The following EPHA8 variants were observed in gnomAD, a reference collection of about 807,000 sequenced individuals.
EPHA8 encodes the protein ephrin type-A receptor 8.
In EPHA8, 58 loss-of-function variants were observed where a neutral mutation model predicts 103.6. The ratio of observed to expected loss-of-function variants is 0.56; its 90% CI spans 0.45 to 0.70. The LOEUF is 0.70. Ranked by LOEUF, EPHA8 falls within the 30% of genes least tolerant of loss-of-function variation. The pLI is 0.00. For synonymous variants in EPHA8, 559 were observed against 572.5 expected, an observed-to-expected ratio of 0.98 and a Z score of 0.34; for missense variants, 1,304 against 1,395.2, an observed-to-expected ratio of 0.93 and a Z score of 1.04.
chr1:22,580,288 G>A (rs113358893), intron 3 of EPHA8, among the ~76,000 whole-genome samples: 11,566 of 151,636 alleles, frequency 0.076, 465 homozygotes, highest in South Asian at 0.18. Flanking sequence ...ACAGGTGCCC[G>A]CCACCACGCC....
chr1:22,578,535 G>C lies in EPHA8; in HGVS notation c.823+1655G>C, dbSNP rs529713545. Among the ~76,000 whole-genome samples, 20 of 135,734 alleles carry C rather than the reference G, an allele frequency of 1.5e-4. 1 individual carries two copies. The highest frequency in any genetic ancestry group is 8.3e-3 in the Middle Eastern group (2 of 240). 89.0% of individuals were successfully genotyped at this position (135,734 alleles called of 152,430 possible). On this transcript the variant is annotated intron_variant, in intron 3 of 16. Transcript: ENST00000166244. ...GTGTATTATGCATGTGTGCATATGCGTGCATGTGTGCGTGAGTGTGCACAT... is the reference window on the plus strand; with the variant it reads ...GTGTATTATGCATGTGTGCATATGCCTGCATGTGTGCGTGAGTGTGCACAT...
chr1:22,601,413 G>A lies in EPHA8; in HGVS notation c.2843G>A (p.Arg948Gln), dbSNP rs149515751. Residue 948 changes from arginine (R) to glutamine (Q), a missense_variant, in exon 16 of 17, where the codon CGA (arginine) becomes CAA (glutamine). Physicochemically the swap from Arg to Gln is conservative, Grantham distance 43. Coordinates refer to ENST00000166244, the MANE Select transcript of EPHA8 (RefSeq NM_020526.5). ...WLDSIRMGRY[R>Q]DHFAAGGYSS... ...GACTCCATCCGCATGGGCCGGTACC[G>A]AGACCACTTCGCTGCGGGCGGATAC... The A allele has an allele frequency of 2.8e-4, 450 of 1,611,360 alleles. No individual in the cohort carries two copies. The African/African-American group carries it at 2.8e-3, about 10-fold the overall frequency.
Position 22,563,560 on chromosome 1 carries a change from T to G in EPHA8, c.-76T>G, listed in dbSNP as rs1640257356. 1 of 143,328 alleles carries G rather than the reference T, an allele frequency of 7.0e-6. No homozygotes were observed. The highest frequency in any genetic ancestry group is 2.5e-5 in the African/African-American group (1 of 39,490). The allele number at this position is 143,328 out of a possible 1,614,324, so 8.9% of individuals were successfully genotyped here. A position where few individuals can be genotyped will look rare whatever the true frequency, so the allele number is the denominator to read the frequency against. On this transcript the variant is annotated 5_prime_UTR_variant, in exon 1 of 17. Coordinates refer to ENST00000166244, the MANE Select transcript of EPHA8 (RefSeq NM_020526.5). The surrounding 1 kb of genome is among the most constrained non-coding windows in gnomAD (Gnocchi z 4.4). ...GTGTGCGGAGAGCGAGGGAGCGCGC[T>G]CCCTCCCGACGCGCGGGCCGCAGCG... is the stretch of plus-strand genomic sequence containing the variant.
chr1:22,597,470 G>T lies in EPHA8; in HGVS notation c.1924G>T (p.Gly642Cys). The change falls in exon 10 of 17, where the codon GGC (glycine) becomes TGC (cysteine). Residue 642 changes from glycine to cysteine, a missense_variant. Coordinates refer to ENST00000166244, the MANE Select transcript of EPHA8 (RefSeq NM_020526.5). This position sits in a 1 kb window ranked among gnomAD's most constrained non-coding sequence, Gnocchi z 4.6. ...ASRIHIEKII[G>C]SGDSGEVCYG... Reference sequence around the variant, plus strand: ...TAGGATCCACATCGAGAAAATCATCGGCTCTGGTGAGTCTCAGGGGTTGTG... The same window carrying T: ...TAGGATCCACATCGAGAAAATCATCTGCTCTGGTGAGTCTCAGGGGTTGTG... The T allele has an allele frequency of 6.2e-7, 1 of 1,612,826 alleles. No individual in the cohort carries two copies. Among genetic ancestry groups the T allele is most frequent in the Non-Finnish European group, 8.5e-7 (1 of 1,179,674 alleles).
At position 22,589,069 on chromosome 1, in the gene EPHA8, T is replaced by C; in HGVS notation, c.1178T>C (p.Val393Ala). ...TRFVPQQTSL[V>A]QASLLVANLL... is the part of the protein sequence containing the mutation. ...TTTGTGCCCCAGCAGACAAGCCTGGTGCAGGCCAGCCTGCTGGTGGCCAAC... is the reference window on the plus strand; with the variant it reads ...TTTGTGCCCCAGCAGACAAGCCTGGCGCAGGCCAGCCTGCTGGTGGCCAAC... Residue 393 changes from valine to alanine, a missense_variant, in exon 5 of 17, where the codon GTG (valine) becomes GCG (alanine). By Grantham distance (64) the Val-to-Ala change is moderately conservative. Coordinates refer to ENST00000166244, the MANE Select transcript of EPHA8 (RefSeq NM_020526.5). This position sits in a 1 kb window ranked among gnomAD's most constrained non-coding sequence, Gnocchi z 4.3. 1.2e-6 allele frequency: 2 copies of C among 1,613,314 alleles called. No individual in the cohort carries two copies. The highest frequency in any genetic ancestry group is 1.7e-6 in the Non-Finnish European group (2 of 1,179,730).
chr1:22,577,972 C>T (rs62639712), intron 3 of EPHA8, among the ~76,000 whole-genome samples: 15 of 28,622 alleles, frequency 5.2e-4, no homozygotes, highest in African/African-American at 1.9e-3. Flanking sequence ...TGTGCATGTG[C>T]GTATGTGTGC....
At chr1:22,584,267 G>C (rs1212097951) in intron 3 of EPHA8, among the ~76,000 whole-genome samples, 1 of 152,200 alleles carries the variant, frequency 6.6e-6, no homozygotes. Flanking sequence ...AGATCACAGT[G>C]TGTCAGTCAA....
chr1:22,599,922 GAC>G (rs1641657989), intron 13 of EPHA8, among the ~76,000 whole-genome samples: 1 of 30,172 alleles, frequency 3.3e-5, no homozygotes, highest in Non-Finnish European at 5.9e-5. Context: ...GGAGAGAAGG[GAC>G]GAGGGAGGGA....
chr1:22,571,247 G>A (rs984923154), intron 2 of EPHA8, among the ~76,000 whole-genome samples: 4 of 152,220 alleles, frequency 2.6e-5, no homozygotes, highest in East Asian at 1.9e-4. Flanking sequence ...TTGCATTTGC[G>A]AGTTAGAACA....
At chr1:22,578,775 A>ACGTGTGGGCATATGTATGTGTG (rs1640910228) in intron 3 of EPHA8, among the ~76,000 whole-genome samples, 6 of 145,818 alleles carry the variant, frequency 4.1e-5, no homozygotes, top group Admixed American at 4.1e-4. Context: ...ATGTATGTGT[A>ACGTGTGGGCATATGTATGTGTG]CGTGTGGGCA....
At chr1:22,591,242 T>G (rs1641364517) in intron 5 of EPHA8, among the ~76,000 whole-genome samples, 1 of 152,054 alleles carries the variant, frequency 6.6e-6, no homozygotes, top group Non-Finnish European at 1.5e-5. Flanking sequence ...AAATTTTTTT[T>G]GAGACAATGT....
At position 22,598,933 on chromosome 1, in the gene EPHA8, C is replaced by T. The variant is rs753815025; in HGVS notation, c.2274C>T (p.His758=). The change falls in exon 13 of 17, where the codon CAC becomes CAT. Residue 758 remains histidine, a synonymous_variant. Transcript: ENST00000166244. The surrounding 1 kb of genome is among the most constrained non-coding windows in gnomAD (Gnocchi z 5.1). ...ACCTCTCAGACCTGGGCTATGTCCACCGAGACCTGGCCGCCCGCAACGTCC... is the reference window on the plus strand; with the variant it reads ...ACCTCTCAGACCTGGGCTATGTCCATCGAGACCTGGCCGCCCGCAACGTCC... ...MRYLSDLGYV[H]RDLAARNVLV... The T allele has an allele frequency of 2.5e-6, 4 of 1,612,820 alleles. No individual in the cohort carries two copies. The highest frequency in any genetic ancestry group is 2.2e-5 in the East Asian group (1 of 44,846).
At chr1:22,578,512 G>A (rs540497506) in intron 3 of EPHA8, among the ~76,000 whole-genome samples, 7 of 131,502 alleles carry the variant, frequency 5.3e-5, no homozygotes, top group African/African-American at 2.0e-4. Flanking sequence ...GTGCATTAGT[G>A]TATTATGCAT....
chr1:22,599,721 AGGGAGGGAAGG>A (rs1557583349), intron 13 of EPHA8, among the ~76,000 whole-genome samples: 7 of 744 alleles, frequency 9.4e-3, no homozygotes, highest in Non-Finnish European at 0.015. Flanking sequence ...GAAGGAAGGG[AGGGAGGGAAGG>A]AAGGAGGGAG....
chr1:22,597,504 G>A lies in EPHA8; in HGVS notation c.1930+28G>A, dbSNP rs200457972. Reference sequence around the variant, plus strand: ...GAGTCTCAGGGGTTGTGAGGGCGGGGCCAGCATGGGGCAAGGTGGGGGCAC... The same window carrying A: ...GAGTCTCAGGGGTTGTGAGGGCGGGACCAGCATGGGGCAAGGTGGGGGCAC... On this transcript the variant is annotated intron_variant, in intron 10 of 16. Coordinates refer to ENST00000166244, the MANE Select transcript of EPHA8 (RefSeq NM_020526.5). This position sits in a 1 kb window ranked among gnomAD's most constrained non-coding sequence, Gnocchi z 4.6. The A allele has an allele frequency of 7.5e-6, 12 of 1,604,834 alleles. No homozygotes were observed. The highest frequency in any genetic ancestry group is 1.0e-5 in the Non-Finnish European group (12 of 1,175,034).
At chr1:22,574,583 G>A (rs920024764) in intron 2 of EPHA8, among the ~76,000 whole-genome samples, 1 of 152,082 alleles carries the variant, frequency 6.6e-6, no homozygotes, top group Non-Finnish European at 1.5e-5. Flanking sequence ...TTTGTTTCTA[G>A]CTTATTTCAT....
intron 5 of EPHA8, among the ~76,000 whole-genome samples, chr1:22,590,174 CAGAG>C (rs1471612454): frequency 2.6e-5 from 4 of 152,190 alleles, no homozygotes; most frequent in Non-Finnish European, 4.4e-5. Flanking sequence ...GCTGGCAACA[CAGAG>C]AGAGAGTGAG....
In EPHA8 at chr1:22,593,647, C is replaced by T. The variant is rs1408235070; in HGVS notation, c.1564C>T (p.Arg522Cys). 15 of 1,605,850 alleles carry T rather than the reference C, an allele frequency of 9.3e-6. No homozygotes were observed. The highest frequency in any genetic ancestry group is 1.7e-5 in the Admixed American group (1 of 59,284). The change falls in exon 7 of 17, where the codon CGC (arginine) becomes TGC (cysteine). Residue 522 changes from arginine (R) to cysteine (C), a missense_variant. Arg to Cys is a radical substitution (Grantham distance 180, BLOSUM62 -3). Coordinates refer to ENST00000166244, the MANE Select transcript of EPHA8 (RefSeq NM_020526.5). The part of the protein sequence containing the change: ...VRARTSAGCG[R>C]FSQAMEVETG... ...AGCCCGCACCTCAGCAGGCTGTGGC[C>T]GCTTCAGCCAGGCCATGGAGGTGGA...
chr1:22,590,785 G>A (rs11578578), intron 5 of EPHA8, among the ~76,000 whole-genome samples: 14 of 151,860 alleles, frequency 9.2e-5, no homozygotes, highest in East Asian at 1.9e-4. Flanking sequence ...CCCAACTCGC[G>A]GTCACCAGCG....
Sources: allele counts gnomAD v4.1 joint callset (sites outside exome capture counted in the v4.1 genomes callset), GRCh38; gene constraint gnomAD v4.1.1; non-coding constraint Gnocchi (gnomAD v3.1); transcripts MANE v1.5; gene names NCBI Gene and HGNC (gene_info 2026-07-23, HGNC 2026-07-21).